The following STAG1 variants were observed in gnomAD, a reference collection of about 807,000 sequenced individuals.
The protein encoded by STAG1 is cohesin subunit SA-1.
A neutral mutation model predicts 170.9 loss-of-function variants in STAG1; 26 were observed. The observed-to-expected ratio is 0.15, with a 90% CI of 0.11 to 0.21. The LOEUF is 0.21. Among genes scored for constraint, STAG1 ranks in the 10% least tolerant of loss-of-function variants. STAG1 has a pLI of 1.00. For missense variants in STAG1, 964 were observed against 1,509.5 expected (o/e 0.64, Z 5.99); for synonymous variants, 514 against 497.7 (o/e 1.03, Z -0.44).
At chr3:136,723,490 G>A (rs554798277) in intron 1 of STAG1, among the ~76,000 whole-genome samples, 11 of 147,986 alleles carry the variant, frequency 7.4e-5, no homozygotes, top group African/African-American at 1.8e-4. Flanking sequence ...GAGCCCCTCC[G>A]CCCGGCAGCC....
chr3:136,486,299 G>T (rs891289126), intron 9 of STAG1, among the ~76,000 whole-genome samples: 4 of 152,140 alleles, frequency 2.6e-5, no homozygotes, highest in African/African-American at 9.7e-5. Flanking sequence ...CTACATCAGT[G>T]TTTCACATCC....
Position 136,339,312 on chromosome 3 carries a change from C to T in STAG1, c.3673-862G>A, listed in dbSNP as rs1235186832. Among the ~76,000 whole-genome samples the T allele has an allele frequency of 2.0e-5, 3 of 152,280 alleles. No homozygotes were observed. In the East Asian group the frequency reaches 5.8e-4, roughly 29 times the overall value. Reference sequence around the variant, plus strand: ...ATCCCAGGTGGGCGGATCACGAGGTCAAGAGATCAAGACCATCCTGGCCAA... The same window carrying T: ...ATCCCAGGTGGGCGGATCACGAGGTTAAGAGATCAAGACCATCCTGGCCAA... On this transcript the variant is annotated intron_variant, in intron 32 of 33. Coordinates refer to ENST00000383202, the MANE Select transcript of STAG1 (RefSeq NM_005862.3).
At chr3:136,399,352 A>G (rs865961199) in intron 21 of STAG1, among the ~76,000 whole-genome samples, 2 of 152,158 alleles carry the variant, frequency 1.3e-5, no homozygotes, top group Admixed American at 1.3e-4. Context: ...ACCTCCTCCC[A>G]ATATAATTAT....
intron 3 of STAG1, among the ~76,000 whole-genome samples, chr3:136,613,951 A>G (rs1045495275): frequency 4.6e-5 from 7 of 152,092 alleles, no homozygotes; most frequent in Admixed American, 4.6e-4. Flanking sequence ...GTCGTGGCTC[A>G]TGCCTGTAAT....
At chr3:136,395,565 G>C (rs1259531876) in intron 22 of STAG1, among the ~76,000 whole-genome samples, 1 of 152,114 alleles carries the variant, frequency 6.6e-6, no homozygotes, top group Non-Finnish European at 1.5e-5. Context: ...AGGTTGCAGT[G>C]AGTCAAGATT....
At chr3:136,682,604 A>G (rs1305607030) in intron 1 of STAG1, among the ~76,000 whole-genome samples, 1 of 152,058 alleles carries the variant, frequency 6.6e-6, no homozygotes, top group Non-Finnish European at 1.5e-5. Context: ...AAACAATTTG[A>G]AAATGAAATT....
chr3:136,377,599 T>C (rs1937676075), intron 23 of STAG1, 61 bp downstream of exon 23: 6 of 1,382,558 alleles, frequency 4.3e-6, no homozygotes, highest in Non-Finnish European at 6.1e-6. Context: ...TTGTATCTTC[T>C]TAATGTTCAT....
rs529212802 is a variant in STAG1, at chr3:136,563,515, C to G, written c.394+5250G>C. 1.8e-4 allele frequency among the ~76,000 whole-genome samples: 27 copies of G among 151,886 alleles called. 1 individual carries two copies. The highest frequency in any genetic ancestry group is 6.3e-4 in the African/African-American group (26 of 41,292). ...AATTCCCTCTAAACTTTCCGACACA[C>G]ACACACGCACGCACGCACAAACTCT... On this transcript the variant is annotated intron_variant, in intron 5 of 33. Coordinates refer to ENST00000383202, the MANE Select transcript of STAG1 (RefSeq NM_005862.3).
At chr3:136,670,563 C>G (rs1219710458) in intron 1 of STAG1, among the ~76,000 whole-genome samples, 1 of 152,110 alleles carries the variant, frequency 6.6e-6, no homozygotes, top group Non-Finnish European at 1.5e-5. Context: ...TCACTGCAAC[C>G]TCTACTGGGT....
At chr3:136,567,253 A>C (rs762711683) in intron 5 of STAG1, among the ~76,000 whole-genome samples, 11 of 152,242 alleles carry the variant, frequency 7.2e-5, no homozygotes, top group African/African-American at 9.6e-5. Context: ...GAAAATTTAT[A>C]TAAAGCACAT....
chr3:136,741,946 C>T (rs1309200364), intron 1 of STAG1, among the ~76,000 whole-genome samples: 1 of 152,034 alleles, frequency 6.6e-6, no homozygotes, highest in African/African-American at 2.4e-5. Context: ...AGATTATTAC[C>T]AGAAACAGAG....
chr3:136,723,178 C>T (rs1933408287), intron 1 of STAG1, among the ~76,000 whole-genome samples: 1 of 151,872 alleles, frequency 6.6e-6, no homozygotes, highest in South Asian at 2.1e-4. Context: ...AGGAGCCCCT[C>T]TGCCTGGCTA....
At chr3:136,671,216 GGAGGCTGCAGT>G (rs1941970006) in intron 1 of STAG1, among the ~76,000 whole-genome samples, 2 of 152,054 alleles carry the variant, frequency 1.3e-5, no homozygotes, top group Non-Finnish European at 2.9e-5. Flanking sequence ...ATCAGGAGGT[GGAGGCTGCAGT>G]GAGCCAAGAC....
At chr3:136,690,721 G>T (rs776245299) in intron 1 of STAG1, among the ~76,000 whole-genome samples, 2 of 152,118 alleles carry the variant, frequency 1.3e-5, no homozygotes, top group Non-Finnish European at 2.9e-5. Flanking sequence ...TGAGGAGGAA[G>T]AGTCAGCAAA....
At chr3:136,684,492 G>C (rs1471736490) in intron 1 of STAG1, among the ~76,000 whole-genome samples, 1 of 152,210 alleles carries the variant, frequency 6.6e-6, no homozygotes, top group Non-Finnish European at 1.5e-5. Context: ...GCTCGCGCCT[G>C]TAATTCCAGC....
chr3:136,639,674 A>G (rs1320803559), intron 1 of STAG1, among the ~76,000 whole-genome samples: 1 of 152,188 alleles, frequency 6.6e-6, no homozygotes, highest in African/African-American at 2.4e-5. Context: ...AAATACAACA[A>G]AACCTTACCA....
intron 5 of STAG1, among the ~76,000 whole-genome samples, chr3:136,554,586 T>C (rs1241179515): frequency 6.6e-6 from 1 of 152,134 alleles, no homozygotes; most frequent in Non-Finnish European, 1.5e-5. Context: ...AAAACTCTCA[T>C]GCTTGAAAAT....
At chr3:136,504,153 T>C (rs577535427) in intron 7 of STAG1, among the ~76,000 whole-genome samples, 28 of 152,236 alleles carry the variant, frequency 1.8e-4, no homozygotes, top group Non-Finnish European at 3.7e-4. Context: ...TCGGAAACTC[T>C]ATCTACATTT....
chr3:136,519,187 T>C (rs547816079), intron 7 of STAG1, among the ~76,000 whole-genome samples: 1 of 152,226 alleles, frequency 6.6e-6, no homozygotes, highest in African/African-American at 2.4e-5. Context: ...AGTCAAAATA[T>C]TCTGCGTATT....
Sources: gnomAD v4.1 joint callset for allele counts (sites outside exome capture counted in the v4.1 genomes callset) on GRCh38, gnomAD v4.1.1 for gene constraint, MANE v1.5 for transcripts, NCBI Gene and HGNC (gene_info 2026-07-23, HGNC 2026-07-21) for gene names.